The following RYR1 variants were observed in gnomAD, a reference collection of about 807,000 sequenced individuals.
The protein encoded by RYR1 is central core disease of muscle.
Under a neutral mutation model 583.5 loss-of-function variants are expected in RYR1, and 342 were observed. The observed-to-expected ratio is 0.59, with a 90% CI of 0.54 to 0.64. The LOEUF is 0.64. Among genes scored for constraint, RYR1 ranks in the 30% least tolerant of loss-of-function variants. The pLI is 0.00. For missense variants in RYR1, 6,032 were observed against 6,917.2 expected (o/e 0.87, Z 4.54); for synonymous variants, 2,791 against 2,822.5 (o/e 0.99, Z 0.35).
chr19:38,561,580 C>T lies in RYR1; in HGVS notation c.12624+126C>T. 1 of 881,356 alleles carries T rather than the reference C, an allele frequency of 1.1e-6. No individual in the cohort carries two copies. Among genetic ancestry groups the T allele is most frequent in the South Asian group, 1.7e-5 (1 of 59,936 alleles). 54.6% of individuals were successfully genotyped at this position (881,356 alleles called of 1,614,324 possible). On this transcript the variant is annotated intron_variant, in intron 90 of 105. Transcript: ENST00000359596. The surrounding 1 kb of genome is among the most constrained non-coding windows in gnomAD (Gnocchi z 4.8). Reference sequence around the variant, plus strand: ...CGCATATCTGCCCTGCTCCGGCAAGCCCACGCCCACCCTTTTGTACACATT... The same window carrying T: ...CGCATATCTGCCCTGCTCCGGCAAGTCCACGCCCACCCTTTTGTACACATT...
In RYR1 at chr19:38,504,749, A is replaced by T. The variant is rs1331044146; in HGVS notation, c.8069A>T (p.Lys2690Ile). The T allele has an allele frequency of 6.2e-7, 1 of 1,613,950 alleles. No homozygotes were observed. The highest frequency in any genetic ancestry group is 1.3e-5 in the African/African-American group (1 of 74,906). The change falls in exon 51 of 106, where the codon AAA (lysine) becomes ATA (isoleucine). Residue 2690 changes from lysine (K) to isoleucine (I), a missense_variant and splice_region_variant. Lys to Ile is a moderately radical substitution (Grantham distance 102). Coordinates refer to ENST00000359596, the MANE Select transcript of RYR1 (RefSeq NM_000540.3). ...CCCTGCTTCACCCGGTTTTCCCAGA[A>T]ATACGACCCGGAGCTGTACCGCATG... is the stretch of plus-strand genomic sequence containing the variant. ...WGIFDSLAHKKYDPELYRMAM... is the reference protein window; with the variant it reads ...WGIFDSLAHKIYDPELYRMAM...
Position 38,577,915 on chromosome 19 carries a change from CAGGT to C in RYR1, c.14173-2_14174del. ...CTACACAGCCTGATGCTCTCTTGTG[CAGGT>C]CCTGGACAAACATGGGGACATCTAC... On this transcript the variant is annotated splice_acceptor_variant and coding_sequence_variant, in exon 98 of 106. Coordinates refer to ENST00000359596, the MANE Select transcript of RYR1 (RefSeq NM_000540.3). LOFTEE classifies it high-confidence loss of function. The C allele has an allele frequency of 6.2e-7, 1 of 1,614,098 alleles. No individual in the cohort carries two copies. Among genetic ancestry groups the C allele is most frequent in the Non-Finnish European group, 8.5e-7 (1 of 1,180,030 alleles).
In RYR1 at chr19:38,483,291, ACAT is replaced by A. The variant is rs1168033658; in HGVS notation, c.4713_4715del (p.Ile1571del). 2 of 1,560,566 alleles carry A rather than the reference ACAT, an allele frequency of 1.3e-6. No homozygotes were observed. The highest frequency in any genetic ancestry group is 2.3e-5 in the South Asian group (2 of 85,330). On this transcript the variant is annotated inframe_deletion and splice_region_variant, in exon 33 of 106. Transcript: ENST00000359596. The surrounding 1 kb of genome is among the most constrained non-coding windows in gnomAD (Gnocchi z 6.3). ...CCATGTGTGTCTCTCTGCCCTCAGA[ACAT>A]CATGCCGTTGTCAGCCGCCATGTTC...
Position 38,483,301 on chromosome 19 carries a change from G to T in RYR1, c.4719G>T (p.Pro1573=). The T allele has an allele frequency of 1.3e-6, 2 of 1,559,384 alleles. No individual in the cohort carries two copies. Among genetic ancestry groups the T allele is most frequent in the Non-Finnish European group, 1.7e-6 (2 of 1,151,924 alleles). The part of the protein sequence containing the change: ...FELGKQKNIM[P]LSAAMFQSER... ...CTCTCTGCCCTCAGAACATCATGCC[G>T]TTGTCAGCCGCCATGTTCCAAAGCG... is the stretch of plus-strand genomic sequence containing the variant. The change falls in exon 33 of 106, where the codon CCG becomes CCT. Residue 1573 remains proline, a synonymous_variant. Coordinates refer to ENST00000359596, the MANE Select transcript of RYR1 (RefSeq NM_000540.3). This position sits in a 1 kb window ranked among gnomAD's most constrained non-coding sequence, Gnocchi z 6.3.
Position 38,504,300 on chromosome 19 carries a change from G to T in RYR1, c.8007G>T (p.Glu2669Asp). The T allele has an allele frequency of 1.2e-6, 2 of 1,614,130 alleles. No homozygotes were observed. The highest frequency in any genetic ancestry group is 1.3e-5 in the African/African-American group (1 of 75,034). ...GGGCCAACTTCGGGGTCACCTCAGA[G>T]GAGGAGCTGCACCTCACACGGAAAC... Reference protein sequence around the residue: ...TGWANFGVTSEEELHLTRKLF... With the variant: ...TGWANFGVTSDEELHLTRKLF... Residue 2669 changes from glutamate to aspartate, a missense_variant, in exon 50 of 106, where the codon GAG (glutamate) becomes GAT (aspartate). Physicochemically the swap from Glu to Asp is conservative, Grantham distance 45. Coordinates refer to ENST00000359596, the MANE Select transcript of RYR1 (RefSeq NM_000540.3).
chr19:38,506,976 G>C (rs1409122590), intron 57 of RYR1, 24 bp downstream of exon 57: 1 of 1,612,100 alleles, frequency 6.2e-7, no homozygotes, highest in Admixed American at 1.7e-5. Flanking sequence ...GGCTCCCGCG[G>C]AAGAGCAGCA....
intron 48 of RYR1, 48 bp downstream of exon 48, chr19:38,502,775 AGGGGCAGGGGCAG>A: frequency 7.2e-6 from 4 of 558,724 alleles, no homozygotes; most frequent in Non-Finnish European, 1.1e-5. Context: ...GGGCAGGGGC[AGGGGCAGGGGCAG>A]GGGCAGGGGC....
At position 38,485,806 on chromosome 19, in the gene RYR1, C is replaced by T; in HGVS notation, c.5151C>T (p.Ile1717=). The T allele has an allele frequency of 6.2e-7, 1 of 1,613,400 alleles. No individual in the cohort carries two copies. Among genetic ancestry groups the T allele is most frequent in the Non-Finnish European group, 8.5e-7 (1 of 1,179,986 alleles). The change falls in exon 34 of 106, where the codon ATC becomes ATT. Residue 1717 remains isoleucine (I), a synonymous_variant. Coordinates refer to ENST00000359596, the MANE Select transcript of RYR1 (RefSeq NM_000540.3). ...RAGYYDLLIS[I]HLESACRSRR... Reference sequence around the variant, plus strand: ...GCTACTATGACCTCCTCATCAGCATCCACCTCGAAAGTGCCTGCCGCAGCC... The same window carrying T: ...GCTACTATGACCTCCTCATCAGCATTCACCTCGAAAGTGCCTGCCGCAGCC...
chr19:38,565,164 A>AGGGCGCGGCGGG lies in RYR1; in HGVS notation c.12832_12843dup (p.Gly4278_Gly4281dup). The AGGGCGCGGCGGG allele has an allele frequency of 6.9e-7, 1 of 1,451,076 alleles. No individual in the cohort carries two copies. The highest frequency in any genetic ancestry group is 9.1e-7 in the Non-Finnish European group (1 of 1,100,814). 89.9% of individuals were successfully genotyped at this position (1,451,076 alleles called of 1,614,324 possible). A position where few individuals can be genotyped will look rare whatever the true frequency, so the allele number is the denominator to read the frequency against. ...GAGGCGGGCGCGGAAGGCGCGGAGG[A>AGGGCGCGGCGGG]GGGCGCGGCGGGGCTCGAGGGCACG... On this transcript the variant is annotated inframe_insertion, in exon 91 of 106. Coordinates refer to ENST00000359596, the MANE Select transcript of RYR1 (RefSeq NM_000540.3). This position sits in a 1 kb window ranked among gnomAD's most constrained non-coding sequence, Gnocchi z 4.7.
Position 38,536,734 on chromosome 19 carries a change from C to T in RYR1, c.11591-16C>T. On this transcript the variant is annotated splice_polypyrimidine_tract_variant and intron_variant, in intron 82 of 105. Transcript: ENST00000359596. ...TTTTCTCCTGCTTCCTCCTCCCATCCTGTTGGCTGCCCCAGTCATCAATCG... is the reference window on the plus strand; with the variant it reads ...TTTTCTCCTGCTTCCTCCTCCCATCTTGTTGGCTGCCCCAGTCATCAATCG... 6.2e-7 allele frequency: 1 copy of T among 1,613,892 alleles called. No homozygotes were observed. Among genetic ancestry groups the T allele is most frequent in the Non-Finnish European group, 8.5e-7 (1 of 1,179,918 alleles).
chr19:38,504,496 T>A, intron 50 of RYR1, 136 bp downstream of exon 50: 1 of 1,242,166 alleles, frequency 8.1e-7, no homozygotes, highest in Non-Finnish European at 1.1e-6. Flanking sequence ...TAGGAGGATC[T>A]ATGGGTTGAG....
chr19:38,536,845 G>A (rs1971993170), intron 83 of RYR1, 78 bp downstream of exon 83: 2 of 1,495,240 alleles, frequency 1.3e-6, no homozygotes, highest in African/African-American at 1.4e-5. Context: ...CCACCTAGGG[G>A]CTGAGGATCT....
At position 38,494,579 on chromosome 19, in the gene RYR1, G is replaced by A. The variant is rs118192176; in HGVS notation, c.6502G>A (p.Val2168Met). The A allele has an allele frequency of 3.1e-6, 5 of 1,614,130 alleles. No homozygotes were observed. Among genetic ancestry groups the A allele is most frequent in the Non-Finnish European group, 4.2e-6 (5 of 1,180,042 alleles). The change falls in exon 39 of 106, where the codon GTG becomes ATG. Residue 2168 changes from valine (V) to methionine (M), a missense_variant. Around this residue, in one of 11 missense-constraint regions of RYR1, gnomAD observed 2,627 missense variants for 2,961.3 expected, o/e 0.89. Coordinates refer to ENST00000359596, the MANE Select transcript of RYR1 (RefSeq NM_000540.3). ...CLGQIRSLLI[V>M]QMGPQEENLM... ...CGGCCAGATCCGCTCGCTGCTCATC[G>A]TGCAGATGGGCCCCCAGGAGGAGAA...
Position 38,492,575 on chromosome 19 carries a change from G to A in RYR1, c.6213G>A (p.Arg2071=). 1 of 1,614,052 alleles carries A rather than the reference G, an allele frequency of 6.2e-7. No homozygotes were observed. Among genetic ancestry groups the A allele is most frequent in the Non-Finnish European group, 8.5e-7 (1 of 1,179,992 alleles). Residue 2071 remains arginine, a synonymous_variant, in exon 38 of 106, where the codon CGG becomes CGA. Coordinates refer to ENST00000359596, the MANE Select transcript of RYR1 (RefSeq NM_000540.3). ...TCATGAGCCTGTTGGAGAAAGTGCG[G>A]CTGGTGAAGAAGAAGGAAGAGAAAC... ...SRLMSLLEKV[R]LVKKKEEKPE... is the part of the protein sequence containing the mutation.
chr19:38,510,815 G>T (rs1262513832), intron 60 of RYR1, 34 bp downstream of exon 60: 2 of 1,613,478 alleles, frequency 1.2e-6, no homozygotes, highest in South Asian at 2.2e-5. Flanking sequence ...CCAGCCCCCT[G>T]ACCTCACAGG....
chr19:38,489,786 G>A (rs1184947404), intron 35 of RYR1, among the ~76,000 whole-genome samples: 2 of 152,214 alleles, frequency 1.3e-5, no homozygotes, highest in East Asian at 1.9e-4. Context: ...GTGCCACCAC[G>A]CCCAGCTAAT....
Position 38,543,391 on chromosome 19 carries a change from A to G in RYR1, c.11734A>G (p.Ile3912Val), listed in dbSNP as rs1972284060. The change falls in exon 85 of 106, where the codon ATT becomes GTT. Residue 3912 changes from isoleucine (I) to valine (V), a missense_variant. Ile to Val is a conservative substitution (Grantham distance 29, BLOSUM62 3). Transcript: ENST00000359596. The surrounding 1 kb of genome is among the most constrained non-coding windows in gnomAD (Gnocchi z 4.4). ...LRTQTGNTTT[I>V]NIIICTVDYL... is the part of the protein sequence containing the mutation. ...GACACAGACAGGGAACACGACCACT[A>G]TTAACATCATCATTTGCACTGTGGA... 6.2e-7 allele frequency: 1 copy of G among 1,614,212 alleles called. No individual in the cohort carries two copies. Among genetic ancestry groups the G allele is most frequent in the South Asian group, 1.1e-5 (1 of 91,078 alleles).
At chr19:38,504,536 G>A (rs1970351663) in intron 50 of RYR1, among the ~76,000 whole-genome samples, 176 bp downstream of exon 50, 1 of 152,098 alleles carries the variant, frequency 6.6e-6, no homozygotes, top group Non-Finnish European at 1.5e-5. Flanking sequence ...GAAAGAGGGG[G>A]TGGACCTCTA....
At chr19:38,527,870 G>A in intron 73 of RYR1, 86 bp downstream of exon 73, 4 of 1,520,310 alleles carry the variant, frequency 2.6e-6, no homozygotes, top group Non-Finnish European at 3.6e-6. Flanking sequence ...GGTGGGGTCT[G>A]GAGATGACTA....
Sources: gnomAD v4.1 joint callset for allele counts (sites outside exome capture counted in the v4.1 genomes callset) on GRCh38, gnomAD v4.1.1 for gene constraint, gnomAD v4.1.1 regional missense constraint, Gnocchi (gnomAD v3.1) non-coding constraint, MANE v1.5 for transcripts, NCBI Gene and HGNC (gene_info 2026-07-23, HGNC 2026-07-21) for gene names.